ZC3H4: variants seen among roughly 807,000 people sequenced by gnomAD.
ZC3H4 encodes zinc finger CCCH-type containing 4.
ZC3H4 carries 13 observed loss-of-function variants against 108.3 expected under a neutral mutation model. The observed-to-expected ratio is 0.12, with a 90% confidence interval of 0.08 to 0.19. The LOEUF is 0.19. ZC3H4 is among the 10% of genes least tolerant of loss of function. The probability of loss-of-function intolerance (pLI) is 1.00; values close to 1 mark genes in which losing one functional copy is unlikely to be tolerated. For synonymous variants in ZC3H4, 917 were observed against 749.6 expected, an observed-to-expected ratio of 1.22 and a Z score of -3.65; for missense variants, 1,734 against 1,838.8, an observed-to-expected ratio of 0.94 and a Z score of 1.04.
rs776002369 is a variant in ZC3H4 at position 47,094,580 on chromosome 19, A to G, written c.190T>C (p.Leu64=). 10 of 1,613,858 alleles carry G rather than the reference A, an allele frequency of 6.2e-6. No individual in the cohort carries two copies. The African/African-American group carries it at 1.3e-4, about 22-fold the overall frequency. The change falls in exon 3 of 15, where the codon TTG becomes CTG. Residue 64 remains leucine, a synonymous_variant. Transcript: ENST00000253048. The stretch of plus-strand genomic sequence containing the variant: ...GTCTCCTCTGCCCCATCATCTTCCA[A>G]TTCACCTTCTTCCAACTCTCCATCT... The part of the protein sequence containing the change: ...REDGELEEGE[L]EDDGAEETQD...
chr19:47,074,634 C>T (rs2057385986), intron 11 of ZC3H4, among the ~76,000 whole-genome samples: 1 of 152,204 alleles, frequency 6.6e-6, no homozygotes, highest in African/African-American at 2.4e-5. Flanking sequence ...GTTTCTGCAA[C>T]CAATGCAGTT....
chr19:47,067,533 G>A lies in ZC3H4; in HGVS notation c.2735C>T (p.Pro912Leu), dbSNP rs544424303. The change falls in exon 15 of 15, where the codon CCC becomes CTC. Residue 912 changes from proline to leucine, a missense_variant. Transcript: ENST00000253048. The surrounding 1 kb of genome is among the most constrained non-coding windows in gnomAD (Gnocchi z 6.4). The part of the protein sequence containing the change: ...EGSLHSSPVG[P>L]SSSKGSGPPP... ...CGGCCCAGACCCCTTGGAACTGCTG[G>A]GGCCCACAGGGCTGGAATGAAGGCT... The A allele has an allele frequency of 1.7e-5, 27 of 1,596,994 alleles. No individual in the cohort carries two copies. In the East Asian group the frequency reaches 3.1e-4, roughly 19 times the overall value.
At position 47,066,683 on chromosome 19, in the gene ZC3H4, G is replaced by C. The variant is rs1207691728; in HGVS notation, c.3585C>G (p.Ala1195=). ...CCTTCCCTGTCTCTGGCTGTTCCAG[G>C]GCAGACTTGCGGACGAACGGGGGCT... The part of the protein sequence containing the change: ...AKEPPFVRKS[A]LEQPETGKAG... Residue 1195 remains alanine (A), a synonymous_variant, in exon 15 of 15, where the codon GCC becomes GCG. Transcript: ENST00000253048. The C allele has an allele frequency of 1.2e-6, 2 of 1,611,218 alleles. No individual in the cohort carries two copies. Among genetic ancestry groups the C allele is most frequent in the African/African-American group, 1.3e-5 (1 of 74,938 alleles).
intron 2 of ZC3H4, among the ~76,000 whole-genome samples, chr19:47,105,255 T>C (rs927896275): frequency 2.6e-5 from 4 of 152,192 alleles, no homozygotes; most frequent in Admixed American, 6.5e-5. Flanking sequence ...TGCTGTAACG[T>C]AGAAGCAGCC....
intron 2 of ZC3H4, among the ~76,000 whole-genome samples, chr19:47,099,186 G>A (rs1242156005): frequency 2.0e-5 from 3 of 152,068 alleles, no homozygotes; most frequent in African/African-American, 4.8e-5. Context: ...AGGGCCGGGC[G>A]CGGTGGCTCA....
chr19:47,104,997 G>A (rs2057950252), intron 2 of ZC3H4, among the ~76,000 whole-genome samples: 1 of 151,864 alleles, frequency 6.6e-6, no homozygotes, highest in African/African-American at 2.4e-5. Flanking sequence ...CATTTAAGAG[G>A]GTTTAAAAGC....
In ZC3H4 at chr19:47,069,360, C is replaced by T. The variant is rs1599965556; in HGVS notation, c.2147-17G>A. The stretch of plus-strand genomic sequence containing the variant: ...CGTAGTCCTCTGTGGCAGGGAAGAA[C>T]CGAGGGTTCATGTCGGGAAGGGCCT... On this transcript the variant is annotated splice_polypyrimidine_tract_variant and intron_variant, in intron 13 of 14. Transcript: ENST00000253048. 1.2e-6 allele frequency: 2 copies of T among 1,608,476 alleles called. No individual in the cohort carries two copies. The highest frequency in any genetic ancestry group is 1.7e-4 in the Middle Eastern group (1 of 6,046).
At chr19:47,074,133 C>T (rs2057377756) in intron 11 of ZC3H4, among the ~76,000 whole-genome samples, 1 of 152,152 alleles carries the variant, frequency 6.6e-6, no homozygotes, top group African/African-American at 2.4e-5. Flanking sequence ...GACCAGCTTC[C>T]CCCAGGTTTT....
chr19:47,083,641 G>A (rs905112187), intron 9 of ZC3H4, among the ~76,000 whole-genome samples: 5 of 146,948 alleles, frequency 3.4e-5, no homozygotes, highest in East Asian at 2.1e-4. Context: ...CCCAGGAGGC[G>A]GAGGTTGCAG....
chr19:47,104,604 C>T (rs2057945677), intron 2 of ZC3H4, among the ~76,000 whole-genome samples: 1 of 152,216 alleles, frequency 6.6e-6, no homozygotes, highest in South Asian at 2.1e-4. Context: ...AAAACTTTGA[C>T]ACAAACTCAT....
intron 11 of ZC3H4, among the ~76,000 whole-genome samples, chr19:47,076,494 G>C (rs2057423160): frequency 6.6e-6 from 1 of 152,216 alleles, no homozygotes; most frequent in African/African-American, 2.4e-5. Context: ...AGAGTTTCTG[G>C]GGTGATGGAA....
intron 11 of ZC3H4, among the ~76,000 whole-genome samples, chr19:47,073,212 G>A (rs11881635): frequency 0.028 from 4,266 of 152,180 alleles, 211 homozygotes; most frequent in African/African-American, 0.098. Flanking sequence ...GGCAGAAGCT[G>A]CAGTGAGCCA....
chr19:47,067,908 G>A lies in ZC3H4; in HGVS notation c.2399-39C>T, dbSNP rs780918822. The A allele has an allele frequency of 1.3e-5, 20 of 1,529,934 alleles. No homozygotes were observed. Among genetic ancestry groups the A allele is most frequent in the Admixed American group, 5.8e-5 (3 of 51,458 alleles). 94.8% of individuals were successfully genotyped at this position (1,529,934 alleles called of 1,614,324 possible). Reference sequence around the variant, plus strand: ...GAGGAGCAGGGAGGGGTGAGTGGGCGCATCCACCACCCGCCCTCTTGGATC... The same window carrying A: ...GAGGAGCAGGGAGGGGTGAGTGGGCACATCCACCACCCGCCCTCTTGGATC... On this transcript the variant is annotated intron_variant, in intron 14 of 14. Coordinates refer to ENST00000253048, the MANE Select transcript of ZC3H4 (RefSeq NM_015168.2). This position sits in a 1 kb window ranked among gnomAD's most constrained non-coding sequence, Gnocchi z 6.4.
chr19:47,069,403 C>A, intron 13 of ZC3H4, 60 bp from the exon 14 acceptor site: 1 of 1,555,442 alleles, frequency 6.4e-7, no homozygotes, highest in Non-Finnish European at 8.7e-7. Flanking sequence ...CCAACTCCAG[C>A]CCCCCTGCCC....
intron 2 of ZC3H4, among the ~76,000 whole-genome samples, chr19:47,105,254 G>A (rs1046188989): frequency 2.0e-5 from 3 of 152,182 alleles, no homozygotes; most frequent in African/African-American, 7.2e-5. Context: ...CTGCTGTAAC[G>A]TAGAAGCAGC....
chr19:47,086,329 C>T, intron 6 of ZC3H4, 55 bp downstream of exon 6: 1 of 1,605,600 alleles, frequency 6.2e-7, no homozygotes, highest in Non-Finnish European at 8.5e-7. Context: ...GTGCTCACGC[C>T]CCGGAAAGCC....
intron 11 of ZC3H4, among the ~76,000 whole-genome samples, chr19:47,076,339 ACACACACT>A (rs1208867166): frequency 6.6e-6 from 1 of 152,134 alleles, no homozygotes; most frequent in African/African-American, 2.4e-5. Flanking sequence ...ACACACACAC[ACACACACT>A]CACACTCTTA....
chr19:47,078,328 G>A (rs1387588695), intron 11 of ZC3H4, among the ~76,000 whole-genome samples: 4 of 151,274 alleles, frequency 2.6e-5, no homozygotes, highest in Non-Finnish European at 5.9e-5. Context: ...ACAAAAATTA[G>A]CCAGGCACGG....
chr19:47,074,234 T>C (rs2057379188), intron 11 of ZC3H4, among the ~76,000 whole-genome samples: 1 of 152,238 alleles, frequency 6.6e-6, no homozygotes, highest in South Asian at 2.1e-4. Context: ...TCCAGTCTCC[T>C]GTATTCACTA....
Sources: allele counts gnomAD v4.1 joint callset (sites outside exome capture counted in the v4.1 genomes callset), GRCh38; gene constraint gnomAD v4.1.1; non-coding constraint Gnocchi (gnomAD v3.1); transcripts MANE v1.5; gene names NCBI Gene and HGNC (gene_info 2026-07-23, HGNC 2026-07-21).